RAB18: variants seen among roughly 807,000 people sequenced by gnomAD.
The protein encoded by RAB18 is ras-related protein Rab-18.
RAB18 carries 10 observed loss-of-function variants against 28.5 expected under a neutral mutation model. The observed-to-expected ratio is 0.35, with a 90% CI of 0.22 to 0.60. The LOEUF is 0.60. Among genes scored for constraint, RAB18 ranks in the 20% least tolerant of loss-of-function variants. RAB18 has a pLI of 0.78. For synonymous variants in RAB18, 93 were observed against 86.9 expected (o/e 1.07, Z -0.39); for missense variants, 188 against 244.2 (o/e 0.77, Z 1.53).
chr10:27,533,500 T>A (rs1284335927), intron 4 of RAB18, among the ~76,000 whole-genome samples: 1 of 152,080 alleles, frequency 6.6e-6, no homozygotes, highest in African/African-American at 2.4e-5. Flanking sequence ...TTACACAGGA[T>A]ATAATTTCAT....
chr10:27,535,918 C>T (rs548536393), intron 6 of RAB18, among the ~76,000 whole-genome samples: 49 of 152,064 alleles, frequency 3.2e-4, no homozygotes, highest in Admixed American at 9.2e-4. Flanking sequence ...CCCGTCTCTA[C>T]TAAAAATACA....
chr10:27,530,803 C>CT (rs902008915), intron 3 of RAB18, among the ~76,000 whole-genome samples: 4 of 150,660 alleles, frequency 2.7e-5, no homozygotes, highest in Admixed American at 2.0e-4. Flanking sequence ...TAGTTGATTA[C>CT]TTTTTTTTTC....
rs765278479 is a variant in RAB18 at position 27,509,898 on chromosome 10, A to T, written c.92A>T (p.Asp31Val). The T allele has an allele frequency of 1.9e-6, 3 of 1,613,210 alleles. No individual in the cohort carries two copies. The highest frequency in any genetic ancestry group is 2.2e-5 in the East Asian group (1 of 44,852). Residue 31 changes from aspartate to valine, a missense_variant, in exon 2 of 7, where the codon GAT (aspartate) becomes GTT (valine). Asp to Val is a radical substitution (Grantham distance 152). Transcript: ENST00000356940. ...AGCCTGCTCTTGAGGTTCACAGATGATACGTTTGATCCAGAACTTGCAGCA... is the reference window on the plus strand; with the variant it reads ...AGCCTGCTCTTGAGGTTCACAGATGTTACGTTTGATCCAGAACTTGCAGCA... ...KSSLLLRFTD[D>V]TFDPELAATI...
In RAB18 at chr10:27,541,374, C is replaced by T. The variant is rs767513605; in HGVS notation, c.*3323C>T. On this transcript the variant is annotated 3_prime_UTR_variant, in exon 7 of 7. Transcript: ENST00000356940. The stretch of plus-strand genomic sequence containing the variant: ...TTTTTTTTTTTAATTTTTCTCTCCT[C>T]AGTTGGGAACATCTATCATGCTGGA... 16 of 451,206 alleles carry T rather than the reference C, an allele frequency of 3.5e-5. No homozygotes were observed. Among genetic ancestry groups the T allele is most frequent in the South Asian group, 1.9e-4 (12 of 64,062 alleles). The allele number at this position is 451,206 out of a possible 1,614,324, so 28.0% of individuals were successfully genotyped here.
chr10:27,513,016 A>G lies in RAB18; in HGVS notation c.124+3086A>G, dbSNP rs1041744129. ...ATTACTTTCAGCCTTAGGTAATAAC[A>G]TATATATATATATATATTTTTTTTT... On this transcript the variant is annotated intron_variant, in intron 2 of 6. Transcript: ENST00000356940. Among the ~76,000 whole-genome samples the G allele has an allele frequency of 1.7e-4, 22 of 128,002 alleles. No homozygotes were observed. The South Asian group carries it at 4.8e-3, about 28-fold the overall frequency. 84.0% of individuals were successfully genotyped at this position (128,002 alleles called of 152,430 possible). A position where few individuals can be genotyped will look rare whatever the true frequency, so the allele number is the denominator to read the frequency against.
chr10:27,523,656 AG>A (rs1230829605), intron 2 of RAB18, among the ~76,000 whole-genome samples: 1 of 137,162 alleles, frequency 7.3e-6, no homozygotes, highest in Non-Finnish European at 1.5e-5. Context: ...TCTGTTATCC[AG>A]GCTGGGCTGC....
At chr10:27,529,167 A>G (rs1834738678) in intron 3 of RAB18, among the ~76,000 whole-genome samples, 1 of 151,846 alleles carries the variant, frequency 6.6e-6, no homozygotes, top group Non-Finnish European at 1.5e-5. Context: ...ATACTGCCAT[A>G]TGCTACAGAT....
chr10:27,528,346 A>G (rs750793750), intron 3 of RAB18: 1 of 486,892 alleles, frequency 2.1e-6, no homozygotes, highest in South Asian at 1.5e-5. Flanking sequence ...TAAGAATAAT[A>G]CAGGGTCATT....
intron 3 of RAB18, among the ~76,000 whole-genome samples, chr10:27,530,812 T>C (rs944649016): frequency 7.2e-5 from 11 of 152,002 alleles, no homozygotes; most frequent in South Asian, 2.1e-4. Context: ...ACTTTTTTTT[T>C]CCCTGCAAAT....
At chr10:27,530,329 G>A (rs1834761388) in intron 3 of RAB18, among the ~76,000 whole-genome samples, 4 of 151,708 alleles carry the variant, frequency 2.6e-5, no homozygotes, top group African/African-American at 9.7e-5. Context: ...CTAATTCACT[G>A]TATAGAAAAA....
chr10:27,517,977 T>C (rs931521802), intron 2 of RAB18, among the ~76,000 whole-genome samples: 15 of 152,090 alleles, frequency 9.9e-5, no homozygotes, highest in Admixed American at 8.5e-4. Context: ...AATTATACTT[T>C]AAGTTTTAGG....
intron 6 of RAB18, among the ~76,000 whole-genome samples, chr10:27,536,134 A>G (rs1194509468): frequency 1.3e-5 from 2 of 152,010 alleles, no homozygotes; most frequent in Non-Finnish European, 2.9e-5. Context: ...AGGCATGAGC[A>G]GTGAGGTAGA....
At chr10:27,515,119 G>A (rs983910959) in intron 2 of RAB18, among the ~76,000 whole-genome samples, 2 of 152,104 alleles carry the variant, frequency 1.3e-5, no homozygotes, top group South Asian at 2.1e-4. Context: ...TTACATAGGA[G>A]TGTTTGATAA....
At chr10:27,523,818 G>A (rs1263787410) in intron 2 of RAB18, among the ~76,000 whole-genome samples, 1 of 151,944 alleles carries the variant, frequency 6.6e-6, no homozygotes, top group African/African-American at 2.4e-5. Context: ...GGTGGCTCAC[G>A]CCTATAATCG....
At chr10:27,515,379 TAAA>T (rs1834417812) in intron 2 of RAB18, among the ~76,000 whole-genome samples, 1 of 152,160 alleles carries the variant, frequency 6.6e-6, no homozygotes, top group Non-Finnish European at 1.5e-5. Context: ...TATTTTCAAA[TAAA>T]AACCTAGAAA....
chr10:27,540,423 G>C lies in RAB18; in HGVS notation c.*2372G>C. 2.2e-6 allele frequency: 1 copy of C among 454,048 alleles called. No homozygotes were observed. Among genetic ancestry groups the C allele is most frequent in the South Asian group, 1.6e-5 (1 of 64,472 alleles). The allele number at this position is 454,048 out of a possible 1,614,324, so 28.1% of individuals were successfully genotyped here. Reference sequence around the variant, plus strand: ...TCGCTCATTTTACAATGGGTAGTTAGTTACCAGCTTTTTGTAACACAACCA... The same window carrying C: ...TCGCTCATTTTACAATGGGTAGTTACTTACCAGCTTTTTGTAACACAACCA... On this transcript the variant is annotated 3_prime_UTR_variant, in exon 7 of 7. Transcript: ENST00000356940.
rs563735675 is a variant in RAB18, at chr10:27,506,070, A to T, written c.68+1633A>T. Among the ~76,000 whole-genome samples, 28 of 152,318 alleles carry T rather than the reference A, an allele frequency of 1.8e-4. No homozygotes were observed. In the South Asian group the frequency reaches 5.8e-3, roughly 32 times the overall value. On this transcript the variant is annotated intron_variant, in intron 1 of 6. Coordinates refer to ENST00000356940, the MANE Select transcript of RAB18 (RefSeq NM_021252.5). ...TGTTAAAAAGTTAAACGTTGTCTTA[A>T]TAGGAATTTCACAGCCTTGTGATCT... is the stretch of plus-strand genomic sequence containing the variant.
intron 4 of RAB18, among the ~76,000 whole-genome samples, 164 bp downstream of exon 4, chr10:27,532,743 T>C (rs1316112974): frequency 6.6e-6 from 1 of 152,054 alleles, no homozygotes; most frequent in Admixed American, 6.6e-5. Flanking sequence ...ATTAAAACTT[T>C]TGATTTTAGT....
chr10:27,526,710 G>A, intron 2 of RAB18, 118 bp from the exon 3 acceptor site: 2 of 1,189,786 alleles, frequency 1.7e-6, no homozygotes, highest in East Asian at 2.4e-5. Context: ...ATTCTAAGAA[G>A]TTGGGGTGTG....
Sources: allele counts gnomAD v4.1 joint callset (sites outside exome capture counted in the v4.1 genomes callset), GRCh38; gene constraint gnomAD v4.1.1; transcripts MANE v1.5; gene names NCBI Gene and HGNC (gene_info 2026-07-23, HGNC 2026-07-21).